The following SRPX variants were observed in gnomAD, a reference collection of about 807,000 sequenced individuals.
The protein encoded by SRPX is sushi repeat containing protein X-linked.
A neutral mutation model predicts 38.1 loss-of-function variants in SRPX; 24 were observed. The observed-to-expected ratio is 0.63, with a 90% CI of 0.46 to 0.89. The LOEUF is 0.89. SRPX is among the 40% of genes least tolerant of loss of function. SRPX has a pLI of 0.00. For missense variants in SRPX, 416 were observed against 377.8 expected (o/e 1.10, Z -0.84); for synonymous variants, 184 against 153.8 (o/e 1.20, Z -1.45).
intron 1 of SRPX, among the ~76,000 whole-genome samples, chrX:38,212,043 C>A (rs1267837465): frequency 8.9e-6 from 1 of 111,926 alleles, no homozygotes; most frequent in Non-Finnish European, 1.9e-5. Flanking sequence ...GTGGCAGGAG[C>A]GGCCCTGATC....
intron 1 of SRPX, among the ~76,000 whole-genome samples, chrX:38,220,485 C>A (rs1939496371): frequency 8.8e-6 from 1 of 113,771 alleles, no homozygotes; most frequent in African/African-American, 3.2e-5. Flanking sequence ...GGGCGCCCCG[C>A]GCCTGGAGAT....
intron 1 of SRPX, among the ~76,000 whole-genome samples, chrX:38,205,851 A>T (rs765841802): frequency 8.9e-6 from 1 of 112,049 alleles, no homozygotes; most frequent in East Asian, 2.8e-4. Context: ...CACCCAGCAA[A>T]CATCCTGGAA....
chrX:38,204,524 C>T (rs1939175973), intron 1 of SRPX, among the ~76,000 whole-genome samples: 1 of 112,079 alleles, frequency 8.9e-6, no homozygotes, highest in South Asian at 3.7e-4. Flanking sequence ...TTTAAAAACC[C>T]TGTGTGTTCT....
chrX:38,209,496 G>C (rs980537861), intron 1 of SRPX, among the ~76,000 whole-genome samples: 1 of 111,965 alleles, frequency 8.9e-6, no homozygotes, highest in East Asian at 2.8e-4. Flanking sequence ...GGGAGGGAGT[G>C]AGCTGAGCTT....
intron 9 of SRPX, 125 bp downstream of exon 9, chrX:38,154,337 G>T: frequency 1.2e-6 from 1 of 807,018 alleles, no homozygotes; most frequent in Non-Finnish European, 1.7e-6. Flanking sequence ...AACACTCCCA[G>T]AATAAAAGCA....
At chrX:38,168,162 T>C (rs1177983688) in intron 4 of SRPX, among the ~76,000 whole-genome samples, 2 of 111,717 alleles carry the variant, frequency 1.8e-5, no homozygotes, top group Admixed American at 9.5e-5. Flanking sequence ...AAGGACAAAG[T>C]CTTGCCCAAC....
intron 9 of SRPX, among the ~76,000 whole-genome samples, chrX:38,150,559 G>T (rs964469332): frequency 8.9e-6 from 1 of 112,076 alleles, no homozygotes; most frequent in East Asian, 2.8e-4. Context: ...ACCAAACAAA[G>T]AATTATCTGT....
At chrX:38,185,079 C>T (rs1319162656) in intron 1 of SRPX, among the ~76,000 whole-genome samples, 3 of 111,879 alleles carry the variant, frequency 2.7e-5, no homozygotes, top group Non-Finnish European at 5.6e-5. Context: ...TAAAAGTATT[C>T]TATGGAGATA....
chrX:38,187,650 C>A (rs181581131), intron 1 of SRPX, among the ~76,000 whole-genome samples: 5 of 112,202 alleles, frequency 4.5e-5, no homozygotes, highest in African/African-American at 1.6e-4. Flanking sequence ...GGTGCTATTG[C>A]CGGGTCTCTT....
intron 9 of SRPX, among the ~76,000 whole-genome samples, chrX:38,150,577 T>G (rs1294069852): frequency 8.9e-6 from 1 of 112,148 alleles, no homozygotes; most frequent in Admixed American, 9.4e-5. Flanking sequence ...TGTTCCCACA[T>G]AGCAATAGTG....
chrX:38,176,158 A>C (rs753806368), intron 2 of SRPX, among the ~76,000 whole-genome samples: 81 of 111,389 alleles, frequency 7.3e-4, no homozygotes, highest in South Asian at 1.9e-3. Context: ...TCTCTCTCAA[A>C]ATATCTAATA....
intron 1 of SRPX, among the ~76,000 whole-genome samples, chrX:38,187,542 C>T (rs1473207063): frequency 3.6e-5 from 4 of 112,335 alleles, no homozygotes; most frequent in Non-Finnish European, 7.5e-5. Context: ...ATAGTTTACA[C>T]TTTGAGGTAG....
At chrX:38,171,715 G>T (rs990597144) in intron 4 of SRPX, among the ~76,000 whole-genome samples, 166 bp downstream of exon 4, 4 of 112,216 alleles carry the variant, frequency 3.6e-5, no homozygotes, top group Non-Finnish European at 7.5e-5. Flanking sequence ...TAGACACTGA[G>T]GTTAGATCTA....
intron 1 of SRPX, among the ~76,000 whole-genome samples, chrX:38,195,382 GT>G (rs10710053): frequency 0.34 from 30,208 of 87,802 alleles, 4,244 homozygotes; most frequent in Non-Finnish European, 0.46. Context: ...GGTGTTTGTG[GT>G]TTTTTTTTTT....
intron 5 of SRPX, 119 bp downstream of exon 5, chrX:38,164,650 A>G (rs1045806534): frequency 2.6e-6 from 2 of 768,733 alleles, no homozygotes; most frequent in Admixed American, 7.2e-5. Flanking sequence ...TTAGGTAGTG[A>G]CCAGGGGGAC....
chrX:38,168,454 A>G (rs1938401328), intron 4 of SRPX, among the ~76,000 whole-genome samples: 1 of 112,216 alleles, frequency 8.9e-6, no homozygotes, highest in African/African-American at 3.2e-5. Context: ...GGTCACCTCA[A>G]CCATTACCAC....
At chrX:38,163,109 A>G (rs1721783524) in intron 5 of SRPX, among the ~76,000 whole-genome samples, 1 of 112,454 alleles carries the variant, frequency 8.9e-6, no homozygotes, top group Non-Finnish European at 1.9e-5. Context: ...GATTGCCTAC[A>G]TTTTCTCCAA....
chrX:38,149,557 C>A lies in SRPX; in HGVS notation c.*154G>T. On this transcript the variant is annotated 3_prime_UTR_variant, in exon 10 of 10. Transcript: ENST00000378533. ...AAACACTTCCAAGTACAAAAAGCAG[C>A]ATGCTAATTTTTAAGTGCAAAGAAA... 1.9e-6 allele frequency: 1 copy of A among 517,981 alleles called. No homozygotes were observed. 42.7% of individuals were successfully genotyped at this position (517,981 alleles called of 1,213,427 possible). A position where few individuals can be genotyped will look rare whatever the true frequency, so the allele number is the denominator to read the frequency against.
At chrX:38,190,287 C>T (rs1230497877) in intron 1 of SRPX, among the ~76,000 whole-genome samples, 3 of 111,669 alleles carry the variant, frequency 2.7e-5, no homozygotes, top group Non-Finnish European at 5.6e-5. Context: ...AAAGATATTT[C>T]CAGAAAACAG....
Sources: allele counts gnomAD v4.1 joint callset (sites outside exome capture counted in the v4.1 genomes callset), GRCh38; gene constraint gnomAD v4.1.1; transcripts MANE v1.5; gene names NCBI Gene and HGNC (gene_info 2026-07-23, HGNC 2026-07-21).